Variants in ARHGAP42 observed in about 807,000 individuals in gnomAD.
ARHGAP42 encodes the protein Rho GTPase activating protein 42, also known as rho GTPase-activating protein 42.
In ARHGAP42, 63 loss-of-function variants were observed where a neutral mutation model predicts 125.0. The observed-to-expected ratio is 0.50, with a 90% CI of 0.41 to 0.62. The LOEUF (loss-of-function observed/expected upper bound fraction) is 0.62, where lower values mean the gene tolerates loss of function less well. ARHGAP42 is among the 20% of genes least tolerant of loss of function. The pLI is 0.00. For missense variants in ARHGAP42, 766 were observed against 1,024.2 expected (o/e 0.75, Z 3.44); for synonymous variants, 339 against 351.0 (o/e 0.97, Z 0.38).
At chr11:100,895,493 CTT>C (rs55789058) in intron 4 of ARHGAP42, among the ~76,000 whole-genome samples, 179 of 123,386 alleles carry the variant, frequency 1.5e-3, no homozygotes, top group African/African-American at 2.4e-3. Context: ...AAAAGAGCAA[CTT>C]TTTTTTTTTT....
At chr11:100,943,116 C>A (rs904686002) in intron 9 of ARHGAP42, among the ~76,000 whole-genome samples, 5 of 151,792 alleles carry the variant, frequency 3.3e-5, no homozygotes, top group Non-Finnish European at 7.4e-5. Context: ...AGTGGGTTAC[C>A]AGCAAAACAA....
At chr11:100,950,051 A>G in intron 12 of ARHGAP42, 95 bp downstream of exon 12, 1 of 692,764 alleles carries the variant, frequency 1.4e-6, no homozygotes, top group Non-Finnish European at 2.2e-6. Context: ...GAAATAGTAT[A>G]ACACCATTGA....
chr11:100,800,821 A>T (rs993129310), intron 3 of ARHGAP42, among the ~76,000 whole-genome samples: 7 of 152,242 alleles, frequency 4.6e-5, no homozygotes, highest in Admixed American at 1.3e-4. Context: ...GCATTTCCAC[A>T]GATTATATAC....
chr11:100,973,046 G>A lies in ARHGAP42; in HGVS notation c.1551-129G>A. On this transcript the variant is annotated intron_variant, in intron 17 of 23. Coordinates refer to ENST00000298815, the MANE Select transcript of ARHGAP42 (RefSeq NM_152432.4). ...ATACTCCAAATGCCAATTGGAAGTGGCTAAAAGTAGGACAATTTCCCTATA... is the reference window on the plus strand; with the variant it reads ...ATACTCCAAATGCCAATTGGAAGTGACTAAAAGTAGGACAATTTCCCTATA... The A allele has an allele frequency of 5.2e-6, 4 of 774,504 alleles. No individual in the cohort carries two copies. The South Asian group carries it at 9.5e-5, about 18-fold the overall frequency. The allele number at this position is 774,504 out of a possible 1,614,324, so 48.0% of individuals were successfully genotyped here. A position where few individuals can be genotyped will look rare whatever the true frequency, so the allele number is the denominator to read the frequency against.
rs2068706101 is a variant in ARHGAP42 at position 100,703,590 on chromosome 11, A to T, written c.154+15758A>T. ...AATTAGATCTGCTTAATAGGAAATGATTATAAGATATGATATAGTTTTGAT... is the reference window on the plus strand; with the variant it reads ...AATTAGATCTGCTTAATAGGAAATGTTTATAAGATATGATATAGTTTTGAT... On this transcript the variant is annotated intron_variant, in intron 1 of 23. Transcript: ENST00000298815. 1.3e-5 allele frequency among the ~76,000 whole-genome samples: 2 copies of T among 152,244 alleles called. 1 individual carries two copies. The highest frequency in any genetic ancestry group is 4.1e-4 in the South Asian group (2 of 4,834).
chr11:100,858,480 A>C (rs796833586), intron 3 of ARHGAP42, among the ~76,000 whole-genome samples: 10 of 152,174 alleles, frequency 6.6e-5, no homozygotes, highest in African/African-American at 2.4e-4. Context: ...TTTGTATATT[A>C]TCTGTGTGCA....
At chr11:100,904,897 C>A (rs1866678164) in intron 4 of ARHGAP42, among the ~76,000 whole-genome samples, 1 of 152,192 alleles carries the variant, frequency 6.6e-6, no homozygotes, top group Non-Finnish European at 1.5e-5. Context: ...TTCTGGTATG[C>A]AAACTACTTT....
At chr11:100,792,318 C>T (rs957812783) in intron 2 of ARHGAP42, among the ~76,000 whole-genome samples, 1 of 152,136 alleles carries the variant, frequency 6.6e-6, no homozygotes, top group African/African-American at 2.4e-5. Context: ...GCATTTGTAG[C>T]ATGTTTTATT....
chr11:100,813,578 A>G (rs509944), intron 3 of ARHGAP42, among the ~76,000 whole-genome samples: 122,945 of 152,152 alleles, frequency 0.81, 49,794 homozygotes, highest in Middle Eastern at 0.88. Context: ...TTTGTCATTG[A>G]ATGAGATTAT....
chr11:100,834,630 T>C (rs1353500623), intron 3 of ARHGAP42, among the ~76,000 whole-genome samples: 1 of 152,044 alleles, frequency 6.6e-6, no homozygotes, highest in Non-Finnish European at 1.5e-5. Context: ...TTTGAGCTCA[T>C]AGCATGAATA....
At chr11:100,711,348 C>T (rs971243343) in intron 1 of ARHGAP42, among the ~76,000 whole-genome samples, 1 of 152,054 alleles carries the variant, frequency 6.6e-6, no homozygotes, top group African/African-American at 2.4e-5. Context: ...TTTATATTGT[C>T]CAATGAGAAT....
Position 100,710,538 on chromosome 11 carries a change from G to GTTTTT in ARHGAP42, c.154+22721_154+22725dup, listed in dbSNP as rs57891043. 1.8e-3 allele frequency among the ~76,000 whole-genome samples: 191 copies of GTTTTT among 107,234 alleles called. 11 individuals are homozygous for GTTTTT. Among genetic ancestry groups the GTTTTT allele is most frequent in the African/African-American group, 6.9e-3 (170 of 24,700 alleles). The allele number at this position is 107,234 out of a possible 152,430, so 70.3% of individuals were successfully genotyped here. ...CATGAGCCACTGCGCCCGGCCAGCA[G>GTTTTT]TTTTTTTTTTTTTTTTTTTGAGACA... is the stretch of plus-strand genomic sequence containing the variant. On this transcript the variant is annotated intron_variant, in intron 1 of 23. Coordinates refer to ENST00000298815, the MANE Select transcript of ARHGAP42 (RefSeq NM_152432.4).
At position 100,767,455 on chromosome 11, in the gene ARHGAP42, A is replaced by C. The variant is rs886290645; in HGVS notation, c.155-2888A>C. Among the ~76,000 whole-genome samples the C allele has an allele frequency of 3.9e-5, 6 of 152,150 alleles. No individual in the cohort carries two copies. In the South Asian group the frequency reaches 1.0e-3, roughly 26 times the overall value. On this transcript the variant is annotated intron_variant, in intron 1 of 23. Coordinates refer to ENST00000298815, the MANE Select transcript of ARHGAP42 (RefSeq NM_152432.4). ...TGGGCCACTGTGTTCTTGTTTGGGGATGGGGATTACTGTCATGCATTCACA... is the reference window on the plus strand; with the variant it reads ...TGGGCCACTGTGTTCTTGTTTGGGGCTGGGGATTACTGTCATGCATTCACA...
At chr11:100,689,584 A>G (rs1861151750) in intron 1 of ARHGAP42, among the ~76,000 whole-genome samples, 1 of 152,306 alleles carries the variant, frequency 6.6e-6, no homozygotes, top group South Asian at 2.1e-4. Flanking sequence ...GGTGATTCCC[A>G]TCATTATAGT....
intron 1 of ARHGAP42, among the ~76,000 whole-genome samples, chr11:100,699,504 ATATTTTTTTTTTTTTTTTTTTTTTTTT>A (rs1349549602): frequency 1.3e-3 from 43 of 33,566 alleles, no homozygotes; most frequent in African/African-American, 4.8e-3. Flanking sequence ...ATATATATAT[ATATTTTTTTTTTTTTTTTTTTTTTTTT>A]TTTTTTTTGA....
chr11:100,779,468 ATAT>A lies in ARHGAP42; in HGVS notation c.250+9031_250+9033del, dbSNP rs1425967155. 1.3e-3 allele frequency among the ~76,000 whole-genome samples: 90 copies of A among 66,936 alleles called. 4 individuals carry two copies. The highest frequency in any genetic ancestry group is 4.5e-3 in the African/African-American group (87 of 19,360). The allele number at this position is 66,936 out of a possible 152,430, so 43.9% of individuals were successfully genotyped here. A position where few individuals can be genotyped will look rare whatever the true frequency, so the allele number is the denominator to read the frequency against. ...CTCAAAAAAAAAAAAAAAAAAAAAAATATATATATATATATATACACACACACA... is the reference window on the plus strand; with the variant it reads ...CTCAAAAAAAAAAAAAAAAAAAAAAAATATATATATATATACACACACACA... On this transcript the variant is annotated intron_variant, in intron 2 of 23. Transcript: ENST00000298815.
intron 4 of ARHGAP42, among the ~76,000 whole-genome samples, chr11:100,878,806 C>T (rs1865885998): frequency 6.6e-6 from 1 of 152,080 alleles, no homozygotes; most frequent in South Asian, 2.1e-4. Context: ...TACAACACTG[C>T]TTCCTGGCAT....
intron 3 of ARHGAP42, among the ~76,000 whole-genome samples, chr11:100,810,014 A>T (rs1864097369): frequency 6.6e-6 from 1 of 152,184 alleles, no homozygotes; most frequent in Admixed American, 6.6e-5. Context: ...TCATATTATG[A>T]TATGATTTTC....
rs1312550660 is a variant in ARHGAP42 at position 100,779,485 on chromosome 11, T to TATATATACACAC, written c.250+9048_250+9049insTATATACACACA. 9.8e-5 allele frequency among the ~76,000 whole-genome samples: 8 copies of TATATATACACAC among 81,440 alleles called. No homozygotes were observed. In the South Asian group the frequency reaches 3.4e-3, roughly 35 times the overall value. 53.4% of individuals were successfully genotyped at this position (81,440 alleles called of 152,430 possible). A position where few individuals can be genotyped will look rare whatever the true frequency, so the allele number is the denominator to read the frequency against. On this transcript the variant is annotated intron_variant, in intron 2 of 23. Coordinates refer to ENST00000298815, the MANE Select transcript of ARHGAP42 (RefSeq NM_152432.4). ...AAAAAAAAATATATATATATATATA[T>TATATATACACAC]ACACACACACACATATATACACGTA...
Sources: allele counts gnomAD v4.1 joint callset (sites outside exome capture counted in the v4.1 genomes callset), GRCh38; gene constraint gnomAD v4.1.1; transcripts MANE v1.5; gene names NCBI Gene and HGNC (gene_info 2026-07-23, HGNC 2026-07-21).